MCF2L: variants seen among roughly 807,000 people sequenced by gnomAD.
The protein encoded by MCF2L is MCF.2 cell line derived transforming sequence like.
MCF2L carries 97 observed loss-of-function variants against 153.4 expected under a neutral mutation model. The ratio of observed to expected loss-of-function variants is 0.63; its 90% CI spans 0.54 to 0.75. MCF2L has a LOEUF of 0.75. Ranked by LOEUF, MCF2L falls within the 30% of genes least tolerant of loss-of-function variation. MCF2L has a pLI of 0.00. For missense variants in MCF2L, 1,347 were observed against 1,495.2 expected (o/e 0.90, Z 1.64); for synonymous variants, 659 against 632.2 (o/e 1.04, Z -0.64).
chr13:113,004,533 A>G (rs964030203), intron 1 of MCF2L, among the ~76,000 whole-genome samples: 1 of 152,176 alleles, frequency 6.6e-6, no homozygotes, highest in Non-Finnish European at 1.5e-5. Context: ...GGGTCTGCTC[A>G]CCTGGTGGGG....
At chr13:113,061,751 C>T (rs1195289086) in intron 5 of MCF2L, among the ~76,000 whole-genome samples, 1 of 85,510 alleles carries the variant, frequency 1.2e-5, no homozygotes, top group African/African-American at 4.8e-5. Flanking sequence ...TCCCTTTCCC[C>T]TCCCTTCCCT....
intron 3 of MCF2L, chr13:113,044,749 C>T (rs767761743): frequency 1.5e-5 from 24 of 1,612,798 alleles, no homozygotes; most frequent in African/African-American, 2.7e-5. Flanking sequence ...GAGAGTGCTG[C>T]CTCCTCTCCC....
At chr13:113,096,340 G>T in intron 27 of MCF2L, 31 bp from the exon 28 acceptor site, 2 of 1,495,014 alleles carry the variant, frequency 1.3e-6, no homozygotes, top group African/African-American at 2.8e-5. Context: ...GGGTGCTGAC[G>T]CTGTCTGTGC....
chr13:112,903,132 C>G (rs1004114661), intron 2 of MCF2L, among the ~76,000 whole-genome samples: 1 of 152,212 alleles, frequency 6.6e-6, no homozygotes, highest in Non-Finnish European at 1.5e-5. Flanking sequence ...ATTTGATGGC[C>G]GGGTGCTGGC....
At position 113,028,921 on chromosome 13, in the gene MCF2L, G is replaced by A. The variant is rs536813166; in HGVS notation, c.278+4163G>A. 1.3e-5 allele frequency among the ~76,000 whole-genome samples: 2 copies of A among 150,996 alleles called. No individual in the cohort carries two copies. Among genetic ancestry groups the A allele is most frequent in the African/African-American group, 2.4e-5 (1 of 40,996 alleles). On this transcript the variant is annotated intron_variant, in intron 3 of 29. Coordinates refer to ENST00000535094, the MANE Select transcript of MCF2L (RefSeq NM_001112732.3). The surrounding 1 kb of genome is among the most constrained non-coding windows in gnomAD (Gnocchi z 5.4). ...GTAATGTGAGCATGTGGCATGTGTG[G>A]GGTAAGTGGTGTGTGTGGTATGTGT...
At chr13:113,017,557 G>C (rs2084610270) in intron 2 of MCF2L, among the ~76,000 whole-genome samples, 1 of 152,274 alleles carries the variant, frequency 6.6e-6, no homozygotes, top group Non-Finnish European at 1.5e-5. Context: ...GGGACAGGGA[G>C]TGGACGTGCC....
rs2142158822 is a variant in MCF2L, at chr13:113,096,763, TCTCCCCGCAGAGTCGAG to T, written c.3293-9_3300del. The T allele has an allele frequency of 6.4e-7, 1 of 1,566,222 alleles. No individual in the cohort carries two copies. Among genetic ancestry groups the T allele is most frequent in the Non-Finnish European group, 8.6e-7 (1 of 1,164,516 alleles). On this transcript the variant is annotated splice_acceptor_variant and splice_polypyrimidine_tract_variant and coding_sequence_variant and intron_variant, in exon 30 of 30. Coordinates refer to ENST00000535094, the MANE Select transcript of MCF2L (RefSeq NM_001112732.3). LOFTEE classifies it high-confidence loss of function. ...GACGCCGAAGCCCGTCCCCGCCTGATCTCCCCGCAGAGTCGAGCCCGGGGTCGGCCGTGCTGAGCAAC... is the reference window on the plus strand; with the variant it reads ...GACGCCGAAGCCCGTCCCCGCCTGATCCCGGGGTCGGCCGTGCTGAGCAAC...
chr13:112,934,025 C>G (rs1399802694), intron 2 of MCF2L, among the ~76,000 whole-genome samples: 2 of 152,238 alleles, frequency 1.3e-5, no homozygotes, highest in Non-Finnish European at 2.9e-5. Context: ...CTTCATCCAG[C>G]CTTTTGCCCA....
intron 1 of MCF2L, among the ~76,000 whole-genome samples, chr13:112,894,904 G>A (rs945042536): frequency 4.9e-5 from 5 of 101,108 alleles, no homozygotes; most frequent in Admixed American, 9.4e-5. Flanking sequence ...GGGTAGCCTG[G>A]GGTCCGGCTG....
At chr13:113,050,678 G>C (rs867283190) in intron 4 of MCF2L, among the ~76,000 whole-genome samples, 2,317 of 95,618 alleles carry the variant, frequency 0.024, 91 homozygotes, top group East Asian at 0.15. Context: ...GGTGGAGGGG[G>C]GGGTGGCTGG....
At chr13:112,978,694 G>A (rs559922960) in intron 1 of MCF2L, among the ~76,000 whole-genome samples, 1 of 152,342 alleles carries the variant, frequency 6.6e-6, no homozygotes, top group African/African-American at 2.4e-5. Flanking sequence ...CTGCAAACCA[G>A]ATGCGTGTTC....
rs1159043591 is a variant in MCF2L, at chr13:112,943,652, A to C, written c.169+41281A>C. On this transcript the variant is annotated intron_variant, in intron 2 of 29. Coordinates refer to the MCF2L transcript ENST00000375608. This position sits in a 1 kb window ranked among gnomAD's most constrained non-coding sequence, Gnocchi z 4.2. Reference sequence around the variant, plus strand: ...GGCGGGACCTGCCGGCCAGTCCCTTACCCGGGGACAGACGGGGAAGGCGGG... The same window carrying C: ...GGCGGGACCTGCCGGCCAGTCCCTTCCCCGGGGACAGACGGGGAAGGCGGG... Among the ~76,000 whole-genome samples the C allele has an allele frequency of 6.6e-6, 1 of 152,028 alleles. No homozygotes were observed. The highest frequency in any genetic ancestry group is 6.5e-5 in the Admixed American group (1 of 15,282).
chr13:112,937,611 C>T (rs978290346), intron 2 of MCF2L, among the ~76,000 whole-genome samples: 26 of 152,228 alleles, frequency 1.7e-4, no homozygotes, highest in African/African-American at 6.0e-4. Flanking sequence ...GTGATGGGTC[C>T]TGCCCAGGTC....
intron 16 of MCF2L, among the ~76,000 whole-genome samples, chr13:113,081,597 C>G (rs74115786): frequency 6.6e-6 from 1 of 152,378 alleles, no homozygotes; most frequent in East Asian, 1.9e-4. Context: ...ATTCCCGGCA[C>G]GGGGCACTCC....
chr13:113,050,670 T>TG (rs1386766637), intron 4 of MCF2L, among the ~76,000 whole-genome samples: 5 of 48,284 alleles, frequency 1.0e-4, no homozygotes, highest in African/African-American at 4.6e-4. Flanking sequence ...GCCGGGGCGG[T>TG]GGAGGGGGGG....
intron 26 of MCF2L, chr13:113,090,716 G>A (rs1248121226): frequency 2.0e-6 from 2 of 985,366 alleles, no homozygotes; most frequent in African/African-American, 1.7e-5. Flanking sequence ...GGGAAGCCCT[G>A]AAGGCCAGCG....
At chr13:112,958,413 G>C (rs929945263) in intron 2 of MCF2L, among the ~76,000 whole-genome samples, 3 of 152,214 alleles carry the variant, frequency 2.0e-5, no homozygotes, top group African/African-American at 7.2e-5. Flanking sequence ...ATGAGGCCCA[G>C]CCCACTGTGG....
chr13:112,985,391 C>T (rs766286854), intron 1 of MCF2L: 18 of 470,838 alleles, frequency 3.8e-5, no homozygotes, highest in South Asian at 1.1e-4. Flanking sequence ...CCATGGGGGA[C>T]GGAAAGGCTG....
chr13:112,910,959 C>T (rs910996805), intron 2 of MCF2L, among the ~76,000 whole-genome samples: 8 of 148,426 alleles, frequency 5.4e-5, no homozygotes, highest in Non-Finnish European at 7.4e-5. Flanking sequence ...GAAGCCGCAG[C>T]CAAAACGCAG....
Sources: gnomAD v4.1 joint callset for allele counts (sites outside exome capture counted in the v4.1 genomes callset) on GRCh38, gnomAD v4.1.1 for gene constraint, Gnocchi (gnomAD v3.1) non-coding constraint, MANE v1.5 for transcripts, NCBI Gene and HGNC (gene_info 2026-07-23, HGNC 2026-07-21) for gene names.